The following KCNE1 variants were observed in gnomAD, a reference collection of about 807,000 sequenced individuals.
KCNE1 encodes potassium voltage-gated channel subfamily E member 1.
In KCNE1, 1 loss-of-function variant was observed where a neutral mutation model predicts 2.9. The observed-to-expected ratio is 0.34, with a 90% CI of 0.12 to 1.62. KCNE1 has a LOEUF of 1.62. Ranked by LOEUF, KCNE1 falls within the 40% of genes most tolerant of loss-of-function variation. KCNE1 has a pLI of 0.36. For missense variants in KCNE1, 45 were observed against 150.5 expected (o/e 0.30, Z 3.67); for synonymous variants, 23 against 65.4 (o/e 0.35, Z 3.13).
chr21:34,509,670 T>G (rs558205717), intron 2 of KCNE1: 1 of 152,318 alleles, frequency 6.6e-6, no homozygotes, highest in Non-Finnish European at 1.5e-5. Flanking sequence ...TTAGCCAGGA[T>G]GGTCTCGATC....
intron 2 of KCNE1, among the ~76,000 whole-genome samples, chr21:34,505,433 C>T (rs1031774075): frequency 1.3e-5 from 2 of 152,154 alleles, no homozygotes; most frequent in East Asian, 1.9e-4. Context: ...CCACGCCTGA[C>T]CACCTTGATC....
Position 34,448,752 on chromosome 21 carries a change from G to A in KCNE1, c.*493C>T, listed in dbSNP as rs77190660. The A allele has an allele frequency of 3.5e-3, 364 of 102,854 alleles. 115 individuals carry two copies. Among genetic ancestry groups the A allele is most frequent in the Non-Finnish European group, 6.8e-3 (311 of 45,536 alleles). 6.4% of individuals were successfully genotyped at this position (102,854 alleles called of 1,614,324 possible). ...GTGGGTGGTAAGGAGGATCCACGTCGCCCAGGCCCAGATGTGTGTGGCTCT... is the reference window on the plus strand; with the variant it reads ...GTGGGTGGTAAGGAGGATCCACGTCACCCAGGCCCAGATGTGTGTGGCTCT... On this transcript the variant is annotated 3_prime_UTR_variant, in exon 4 of 4. Coordinates refer to ENST00000399286, the MANE Select transcript of KCNE1 (RefSeq NM_000219.6).
intron 2 of KCNE1, among the ~76,000 whole-genome samples, chr21:34,500,920 T>C (rs1259818119): frequency 4.6e-5 from 7 of 152,182 alleles, no homozygotes; most frequent in Non-Finnish European, 7.4e-5. Context: ...AAAACTCCTA[T>C]CTCTCGATAT....
At chr21:34,501,042 A>G (rs2123512427) in intron 2 of KCNE1, among the ~76,000 whole-genome samples, 1 of 152,260 alleles carries the variant, frequency 6.6e-6, no homozygotes, top group Admixed American at 6.5e-5. Context: ...AAGCTACAGG[A>G]CTTGTTCTGC....
chr21:34,502,947 C>T (rs1983256158), intron 2 of KCNE1, among the ~76,000 whole-genome samples: 1 of 152,234 alleles, frequency 6.6e-6, no homozygotes, highest in Admixed American at 6.5e-5. Flanking sequence ...CCACTCAGCA[C>T]CACACTTTTG....
At chr21:34,499,182 G>A (rs1218661688) in intron 2 of KCNE1, among the ~76,000 whole-genome samples, 1 of 152,180 alleles carries the variant, frequency 6.6e-6, no homozygotes, top group East Asian at 1.9e-4. Flanking sequence ...GTAGGGGAAA[G>A]CAATAGGCCT....
At chr21:34,505,754 C>T (rs535245899) in intron 2 of KCNE1, among the ~76,000 whole-genome samples, 37 of 152,310 alleles carry the variant, frequency 2.4e-4, no homozygotes, top group Non-Finnish European at 3.7e-4. Flanking sequence ...CACTTGATCC[C>T]CTCGCTTGAA....
chr21:34,505,605 CCCAGGTCTTAG>C (rs1983437063), intron 2 of KCNE1, among the ~76,000 whole-genome samples: 2 of 152,162 alleles, frequency 1.3e-5, no homozygotes, highest in African/African-American at 2.4e-5. Context: ...GGGCTTGAAG[CCCAGGTCTTAG>C]AGACCTGAGC....
intron 2 of KCNE1, among the ~76,000 whole-genome samples, chr21:34,499,128 G>C (rs1982996433): frequency 6.6e-6 from 1 of 152,158 alleles, no homozygotes; most frequent in African/African-American, 2.4e-5. Flanking sequence ...TGTTCCAAGG[G>C]GTATTATGGC....
intron 2 of KCNE1, among the ~76,000 whole-genome samples, chr21:34,499,742 C>T (rs996363191): frequency 3.9e-5 from 6 of 152,040 alleles, no homozygotes; most frequent in Non-Finnish European, 2.9e-5. Flanking sequence ...AGGTTTTCTC[C>T]CTCTCACACT....
chr21:34,500,319 A>C (rs1458808866), intron 2 of KCNE1, among the ~76,000 whole-genome samples: 4 of 152,228 alleles, frequency 2.6e-5, no homozygotes, highest in African/African-American at 9.6e-5. Context: ...AGTAAGGGCA[A>C]AGCTTATTTG....
chr21:34,499,585 G>A (rs1983039476), intron 2 of KCNE1, among the ~76,000 whole-genome samples: 1 of 152,174 alleles, frequency 6.6e-6, no homozygotes, highest in African/African-American at 2.4e-5. Flanking sequence ...CTGGAGCATG[G>A]GAATGTCTAC....
At chr21:34,496,564 T>A (rs1286960974) in intron 2 of KCNE1, among the ~76,000 whole-genome samples, 1 of 141,468 alleles carries the variant, frequency 7.1e-6, no homozygotes, top group Non-Finnish European at 1.5e-5. Flanking sequence ...TATTGAGATG[T>A]TTTTTGTGGC....
At chr21:34,506,576 C>T (rs940703960) in intron 2 of KCNE1, among the ~76,000 whole-genome samples, 15 of 152,106 alleles carry the variant, frequency 9.9e-5, no homozygotes, top group Non-Finnish European at 1.6e-4. Context: ...CTTAGCACTG[C>T]CAGGGGAGAT....
intron 2 of KCNE1, chr21:34,510,474 C>G (rs935006579): frequency 6.6e-6 from 1 of 152,468 alleles, no homozygotes; most frequent in African/African-American, 2.4e-5. Flanking sequence ...ACTTGTCTGA[C>G]AGCCTCTCTT....
chr21:34,499,870 C>A (rs1983059780), intron 2 of KCNE1, among the ~76,000 whole-genome samples: 1 of 152,184 alleles, frequency 6.6e-6, no homozygotes. Context: ...GTTCTTAGAA[C>A]AAAAGTTCAT....
chr21:34,505,623 G>C (rs142228146), intron 2 of KCNE1, among the ~76,000 whole-genome samples: 1 of 152,168 alleles, frequency 6.6e-6, no homozygotes, highest in East Asian at 1.9e-4. Flanking sequence ...TTAGAGACCT[G>C]AGCAGGCCCA....
intron 2 of KCNE1, 45 bp downstream of exon 2, chr21:34,511,056 G>T: frequency 1.3e-6 from 1 of 757,126 alleles, no homozygotes; most frequent in Non-Finnish European, 1.6e-6. Flanking sequence ...TGGGAGCAGA[G>T]GGTGCCTAAC....
chr21:34,497,951 T>C (rs1397261873), intron 2 of KCNE1, among the ~76,000 whole-genome samples: 1 of 152,136 alleles, frequency 6.6e-6, no homozygotes, highest in Non-Finnish European at 1.5e-5. Flanking sequence ...CTGAAGTTCT[T>C]TCGTCTGCTT....
Sources: allele counts gnomAD v4.1 joint callset (sites outside exome capture counted in the v4.1 genomes callset), GRCh38; gene constraint gnomAD v4.1.1; transcripts MANE v1.5; gene names NCBI Gene and HGNC (gene_info 2026-07-23, HGNC 2026-07-21).